The following FBLN7 variants were observed in gnomAD, a reference collection of about 807,000 sequenced individuals.
The protein encoded by FBLN7 is fibulin-7.
In FBLN7, 31 loss-of-function variants were observed where a neutral mutation model predicts 44.0. That is an observed-to-expected ratio of 0.70 (90% CI 0.53 to 0.95). The LOEUF (loss-of-function observed/expected upper bound fraction) is 0.95. Among genes scored for constraint, FBLN7 ranks in the 40% least tolerant of loss-of-function variants. FBLN7 has a pLI of 0.00. For missense variants in FBLN7, 573 were observed against 618.5 expected, an observed-to-expected ratio of 0.93 and a Z score of 0.78; for synonymous variants, 262 against 253.4, an observed-to-expected ratio of 1.03 and a Z score of -0.32.
chr2:112,175,684 C>T (rs371258781), intron 3 of FBLN7, 30 bp from the exon 4 acceptor site: 4 of 1,612,566 alleles, frequency 2.5e-6, no homozygotes, highest in South Asian at 1.1e-5. Flanking sequence ...AACTCACATC[C>T]GTATATTTGA....
intron 5 of FBLN7, 96 bp downstream of exon 5, chr2:112,181,972 G>A: frequency 2.1e-6 from 3 of 1,421,668 alleles, no homozygotes; most frequent in Non-Finnish European, 2.8e-6. Flanking sequence ...CGGCACGGGT[G>A]GCTTCCTGCG....
chr2:112,140,483 A>G (rs1425668209), intron 1 of FBLN7, among the ~76,000 whole-genome samples: 1 of 152,146 alleles, frequency 6.6e-6, no homozygotes, highest in Non-Finnish European at 1.5e-5. Flanking sequence ...AGAGAGGTGC[A>G]GGGTCCCCCA....
chr2:112,165,188 C>T lies in FBLN7; in HGVS notation c.406+17C>T. 1 of 1,613,162 alleles carries T rather than the reference C, an allele frequency of 6.2e-7. No homozygotes were observed. The highest frequency in any genetic ancestry group is 8.5e-7 in the Non-Finnish European group (1 of 1,179,424). On this transcript the variant is annotated intron_variant, in intron 3 of 7. Transcript: ENST00000331203. ...ACTGTAGAGGTATCGTCTCTCCTTC[C>T]CATCCCACTGCGCTGGACCCATCAC...
At chr2:112,226,229 TA>T in the FBLN7 span, among the ~76,000 whole-genome samples, 1 of 150,454 alleles carries the variant, frequency 6.6e-6, no homozygotes, top group Non-Finnish European at 1.5e-5. Flanking sequence ...GTTTTTTTTT[TA>T]AAAAAGAAAA....
At chr2:112,186,792 G>A (rs1176424601) in intron 7 of FBLN7, among the ~76,000 whole-genome samples, 5 of 152,216 alleles carry the variant, frequency 3.3e-5, no homozygotes, top group Admixed American at 2.0e-4. Flanking sequence ...CACCTGGTTT[G>A]AATATCAGCA....
chr2:112,152,868 C>T (rs1352696278), intron 1 of FBLN7: 1 of 152,228 alleles, frequency 6.6e-6, no homozygotes, highest in Non-Finnish European at 1.5e-5. Context: ...AACTGCGTGA[C>T]AATCCCTTAA....
chr2:112,236,486 T>C, the FBLN7 span: 1 of 1,564,526 alleles, frequency 6.4e-7, no homozygotes, highest in South Asian at 1.2e-5. Flanking sequence ...ACATAGCACT[T>C]CTTGTCACTG....
intron 1 of FBLN7, among the ~76,000 whole-genome samples, chr2:112,141,480 C>T (rs1002878540): frequency 2.6e-5 from 4 of 152,138 alleles, no homozygotes; most frequent in African/African-American, 9.7e-5. Flanking sequence ...TCAGACGAGA[C>T]GTGGTGATGT....
At chr2:112,168,156 A>ATTCCAGATG (rs1033278678) in intron 3 of FBLN7, among the ~76,000 whole-genome samples, 7 of 152,138 alleles carry the variant, frequency 4.6e-5, no homozygotes, top group African/African-American at 1.7e-4. Context: ...GTACCAGTTC[A>ATTCCAGATG]TTCCAGATGC....
chr2:112,165,530 A>G (rs2104575467), intron 3 of FBLN7, among the ~76,000 whole-genome samples: 1 of 152,104 alleles, frequency 6.6e-6, no homozygotes, highest in African/African-American at 2.4e-5. Flanking sequence ...CCTTCACACC[A>G]CTCTCTGCTC....
At chr2:112,210,169 G>C in the FBLN7 span, among the ~76,000 whole-genome samples, 1 of 152,014 alleles carries the variant, frequency 6.6e-6, no homozygotes, top group South Asian at 2.1e-4. Flanking sequence ...ATGAGGTGGA[G>C]AATGTGGTGG....
At chr2:112,138,784 GGCCAGTGTCCCTCCCGCCT>G (rs1680480354) in intron 1 of FBLN7, 54 bp downstream of exon 1, 1 of 1,478,636 alleles carries the variant, frequency 6.8e-7, no homozygotes, top group Admixed American at 2.1e-5. Context: ...CCTCTCTCCA[GGCCAGTGTCCCTCCCGCCT>G]CTCTCCAGGC....
rs545970773 is a variant in FBLN7, at chr2:112,140,233, G to A, written c.75+1503G>A. ...CCCTCCCGCCTCTCTCCCCTGTCCC[G>A]CGCGCCTCTCTCCACGCCAGTGTCC... On this transcript the variant is annotated intron_variant, in intron 1 of 7. Coordinates refer to ENST00000331203, the MANE Select transcript of FBLN7 (RefSeq NM_153214.3). 3.0e-4 allele frequency among the ~76,000 whole-genome samples: 35 copies of A among 116,192 alleles called. No homozygotes were observed. The East Asian group carries it at 7.9e-3, about 26-fold the overall frequency. The allele number at this position is 116,192 out of a possible 152,430, so 76.2% of individuals were successfully genotyped here. A position where few individuals can be genotyped will look rare whatever the true frequency, so the allele number is the denominator to read the frequency against.
chr2:112,165,807 G>A (rs1682126994), intron 3 of FBLN7, among the ~76,000 whole-genome samples: 1 of 152,158 alleles, frequency 6.6e-6, no homozygotes, highest in Admixed American at 6.5e-5. Flanking sequence ...TCTGTGCTAG[G>A]TTTAAAAACA....
chr2:112,232,352 G>A, the FBLN7 span, among the ~76,000 whole-genome samples: 2 of 146,098 alleles, frequency 1.4e-5, no homozygotes, highest in Non-Finnish European at 1.5e-5. Context: ...CCTACTAGCA[G>A]AAACTGGATT....
chr2:112,161,313 C>A lies in FBLN7; in HGVS notation c.235+1478C>A, dbSNP rs141836494. Among the ~76,000 whole-genome samples, 50 of 152,274 alleles carry A rather than the reference C, an allele frequency of 3.3e-4. No homozygotes were observed. The East Asian group carries it at 9.1e-3, about 28-fold the overall frequency. ...TTTCCTGGGGAAGGCGTTGGATTTC[C>A]TACCTTCTCGGAGATGATGGTGGCA... On this transcript the variant is annotated intron_variant, in intron 2 of 7. Coordinates refer to ENST00000331203, the MANE Select transcript of FBLN7 (RefSeq NM_153214.3).
At chr2:112,169,542 C>T (rs185688846) in intron 3 of FBLN7, among the ~76,000 whole-genome samples, 7 of 152,332 alleles carry the variant, frequency 4.6e-5, no homozygotes, top group Admixed American at 3.3e-4. Context: ...TGTCACTTAT[C>T]GTCATGCTGG....
intron 1 of FBLN7, among the ~76,000 whole-genome samples, chr2:112,142,768 T>TTGTGTGTGTGTGTG (rs60060928): frequency 6.6e-6 from 1 of 151,332 alleles, no homozygotes; most frequent in African/African-American, 2.4e-5. Flanking sequence ...ATGTGTGTGT[T>TTGTGTGTGTGTGTG]TGTGTGTGTG....
chr2:112,188,600 G>A (rs1683380634), downstream of FBLN7: 1 of 152,214 alleles, frequency 6.6e-6, no homozygotes, highest in Admixed American at 6.5e-5. Context: ...AGGTAGCGAA[G>A]CTGTAAGAAA....
Sources: gnomAD v4.1 joint callset for allele counts (sites outside exome capture counted in the v4.1 genomes callset) on GRCh38, gnomAD v4.1.1 for gene constraint, MANE v1.5 for transcripts, NCBI Gene and HGNC (gene_info 2026-07-23, HGNC 2026-07-21) for gene names.